TTC9: variants seen among roughly 807,000 people sequenced by gnomAD.
TTC9 encodes tetratricopeptide repeat domain 9.
Under a neutral mutation model 22.9 loss-of-function variants are expected in TTC9, and 13 were observed. That is an observed-to-expected ratio of 0.57 (90% CI 0.37 to 0.90). The LOEUF is 0.90. TTC9 is among the 40% of genes least tolerant of loss of function. The pLI is 0.01. For synonymous variants in TTC9, 148 were observed against 133.2 expected (o/e 1.11, Z -0.77); for missense variants, 280 against 291.8 (o/e 0.96, Z 0.29).
intron 1 of TTC9, among the ~76,000 whole-genome samples, chr14:70,649,467 T>C (rs185656729): frequency 6.6e-6 from 1 of 152,250 alleles, no homozygotes; most frequent in Non-Finnish European, 1.5e-5. Flanking sequence ...ATTTGATCTG[T>C]ACAACTCTGT....
intron 2 of TTC9, 102 bp downstream of exon 2, chr14:70,667,848 C>A (rs1886236173): frequency 7.8e-6 from 9 of 1,153,054 alleles, no homozygotes; most frequent in Non-Finnish European, 9.9e-6. Flanking sequence ...CAGGCAGGGA[C>A]AGAGATGGCA....
chr14:70,642,053 T>C lies in TTC9; in HGVS notation c.-77T>C. On this transcript the variant is annotated 5_prime_UTR_variant, in exon 1 of 3. The change abolishes the stop of an existing upstream ORF in the 5' untranslated region. Coordinates refer to ENST00000256367, the MANE Select transcript of TTC9 (RefSeq NM_015351.2). ...GCGCGGGGCCGGCGCCCGCGGCTTT[T>C]AAACCCGGGAAGGCGCGGCGGCGGC... 1 of 981,012 alleles carries C rather than the reference T, an allele frequency of 1.0e-6. No homozygotes were observed. The highest frequency in any genetic ancestry group is 1.2e-6 in the Non-Finnish European group (1 of 821,734). The allele number at this position is 981,012 out of a possible 1,614,324, so 60.8% of individuals were successfully genotyped here.
rs532792573 is a variant in TTC9, at chr14:70,657,323, G to A, written c.407-10241G>A. On this transcript the variant is annotated intron_variant, in intron 1 of 2. Coordinates refer to ENST00000256367, the MANE Select transcript of TTC9 (RefSeq NM_015351.2). The stretch of plus-strand genomic sequence containing the variant: ...ACCCGAAATTGTGTAGTGATGATGC[G>A]TGGGAAGCAGCAGCTCTGGTAGTGA... 3.3e-5 allele frequency among the ~76,000 whole-genome samples: 5 copies of A among 152,348 alleles called. No homozygotes were observed. The South Asian group carries it at 8.3e-4, about 25-fold the overall frequency.
At chr14:70,668,051 T>C (rs1886239044) in intron 2 of TTC9, among the ~76,000 whole-genome samples, 2 of 152,202 alleles carry the variant, frequency 1.3e-5, no homozygotes, top group South Asian at 2.1e-4. Flanking sequence ...ATTCATACTA[T>C]GTGCCAAGAT....
At chr14:70,647,273 A>G (rs74823433) in intron 1 of TTC9, among the ~76,000 whole-genome samples, 1,595 of 152,310 alleles carry the variant, frequency 0.01, 29 homozygotes, top group African/African-American at 0.036. Flanking sequence ...CAAATAAACT[A>G]AACTATTTTT....
At chr14:70,661,543 T>C (rs1327909827) in intron 1 of TTC9, among the ~76,000 whole-genome samples, 3 of 152,254 alleles carry the variant, frequency 2.0e-5, no homozygotes, top group African/African-American at 7.2e-5. Flanking sequence ...AACCAGTGAT[T>C]GCATGAACTT....
chr14:70,662,494 G>A (rs577747682), intron 1 of TTC9, among the ~76,000 whole-genome samples: 1 of 151,576 alleles, frequency 6.6e-6, no homozygotes, highest in South Asian at 2.1e-4. Flanking sequence ...TGCTTTACCA[G>A]TCTGATTGTC....
intron 1 of TTC9, among the ~76,000 whole-genome samples, chr14:70,662,644 G>T (rs559308005): frequency 6.6e-6 from 1 of 152,366 alleles, no homozygotes; most frequent in African/African-American, 2.4e-5. Context: ...AAGGACGGTA[G>T]AGATCATTTA....
intron 1 of TTC9, among the ~76,000 whole-genome samples, chr14:70,666,711 G>A (rs1318514823): frequency 6.6e-6 from 1 of 151,980 alleles, no homozygotes. Context: ...CAGCTCTCTG[G>A]GCCTCAGCTT....
chr14:70,642,617 T>A, intron 1 of TTC9, 82 bp downstream of exon 1: 2 of 1,323,604 alleles, frequency 1.5e-6, no homozygotes, highest in Non-Finnish European at 2.0e-6. Flanking sequence ...GCTCCCGCGG[T>A]GCAGATTCTC....
chr14:70,649,528 C>T (rs951193521), intron 1 of TTC9, among the ~76,000 whole-genome samples: 1 of 152,234 alleles, frequency 6.6e-6, no homozygotes, highest in Non-Finnish European at 1.5e-5. Flanking sequence ...CCCATGGTCA[C>T]ATAGTGGTAT....
intron 1 of TTC9, 107 bp downstream of exon 1, chr14:70,642,642 T>A: frequency 8.7e-7 from 1 of 1,143,626 alleles, no homozygotes. Flanking sequence ...TGTGACTGTG[T>A]TGCTCTGGGG....
At chr14:70,660,376 T>C (rs949173853) in intron 1 of TTC9, among the ~76,000 whole-genome samples, 1 of 152,250 alleles carries the variant, frequency 6.6e-6, no homozygotes. Context: ...TGTAGCTTTG[T>C]TTATGTACCA....
intron 1 of TTC9, among the ~76,000 whole-genome samples, chr14:70,645,719 C>T (rs545794133): frequency 2.6e-5 from 4 of 152,180 alleles, no homozygotes; most frequent in South Asian, 4.1e-4. Context: ...ACTGACCCTT[C>T]GACCAGGTCT....
chr14:70,647,706 T>C (rs1885923888), intron 1 of TTC9, among the ~76,000 whole-genome samples: 1 of 152,222 alleles, frequency 6.6e-6, no homozygotes, highest in African/African-American at 2.4e-5. Flanking sequence ...TGTGCCCATC[T>C]CCTCTGTCCC....
In TTC9 at chr14:70,642,222, C is replaced by G. The variant is rs1885823772; in HGVS notation, c.93C>G (p.Val31=). The change falls in exon 1 of 3, where the codon GTC becomes GTG. Residue 31 remains valine (V), a synonymous_variant. Coordinates refer to ENST00000256367, the MANE Select transcript of TTC9 (RefSeq NM_015351.2). ...AGCGGCCACCGCCGCCGCTGTGCGTCCCGGGCGGCGGCGGAGGAGCCCCAG... is the reference window on the plus strand; with the variant it reads ...AGCGGCCACCGCCGCCGCTGTGCGTGCCGGGCGGCGGCGGAGGAGCCCCAG... The part of the protein sequence containing the change: ...EGQRPPPPLC[V]PGGGGGAPAR... 3 of 1,305,530 alleles carry G rather than the reference C, an allele frequency of 2.3e-6. No homozygotes were observed. The highest frequency in any genetic ancestry group is 1.6e-5 in the African/African-American group (1 of 64,034). 80.9% of individuals were successfully genotyped at this position (1,305,530 alleles called of 1,614,324 possible).
Position 70,642,540 on chromosome 14 carries a change from G to GCCGCGCCGCGCCCT in TTC9, c.406+18_406+19insTCCGCGCCGCGCCC, listed in dbSNP as rs1566693141. The GCCGCGCCGCGCCCT allele has an allele frequency of 6.6e-7, 1 of 1,512,086 alleles. No individual in the cohort carries two copies. Among genetic ancestry groups the GCCGCGCCGCGCCCT allele is most frequent in the Non-Finnish European group, 8.9e-7 (1 of 1,122,662 alleles). The allele number at this position is 1,512,086 out of a possible 1,614,324, so 93.7% of individuals were successfully genotyped here. A position where few individuals can be genotyped will look rare whatever the true frequency, so the allele number is the denominator to read the frequency against. On this transcript the variant is annotated splice_donor_region_variant and intron_variant, in intron 1 of 2. Coordinates refer to ENST00000256367, the MANE Select transcript of TTC9 (RefSeq NM_015351.2). The stretch of plus-strand genomic sequence containing the variant: ...ACTGTTACAACAGCCTGGCAGGTGA[G>GCCGCGCCGCGCCCT]CCGCGCCGCGCCCCCCGCGCCGCGG...
In TTC9 at chr14:70,642,170, C is replaced by G. The variant is rs1038141557; in HGVS notation, c.41C>G (p.Pro14Arg). 4 of 1,198,504 alleles carry G rather than the reference C, an allele frequency of 3.3e-6. No individual in the cohort carries two copies. Among genetic ancestry groups the G allele is most frequent in the African/African-American group, 1.6e-5 (1 of 61,804 alleles). The allele number at this position is 1,198,504 out of a possible 1,614,324, so 74.2% of individuals were successfully genotyped here. A position where few individuals can be genotyped will look rare whatever the true frequency, so the allele number is the denominator to read the frequency against. ...KGSAAGAKGN[P>R]SPPAAGEGQR... Reference sequence around the variant, plus strand: ...TCGGCGGCCGGGGCCAAGGGGAACCCGAGCCCGCCCGCGGCCGGAGAGGGG... The same window carrying G: ...TCGGCGGCCGGGGCCAAGGGGAACCGGAGCCCGCCCGCGGCCGGAGAGGGG... The change falls in exon 1 of 3, where the codon CCG becomes CGG. Residue 14 changes from proline (P) to arginine (R), a missense_variant. This residue lies in a region of TTC9 where 49 missense variants were observed against 39.8 expected (regional missense o/e 1.23). Transcript: ENST00000256367.
rs13738 is a variant in TTC9, at chr14:70,672,013, C to T, written c.*858C>T. ...TGGACTGATTCAGTGTAAATAAAAA[C>T]AAATTAACAGGTAGTAGTTCCTGTC... On this transcript the variant is annotated 3_prime_UTR_variant, in exon 3 of 3. Coordinates refer to ENST00000256367, the MANE Select transcript of TTC9 (RefSeq NM_015351.2). The T allele has an allele frequency of 0.43, 65,790 of 152,004 alleles. 15,239 individuals are homozygous for T. The highest frequency in any genetic ancestry group is 0.61 in the African/African-American group (25,356 of 41,436). The allele number at this position is 152,004 out of a possible 1,614,324, so 9.4% of individuals were successfully genotyped here.
Sources: gnomAD v4.1 joint callset for allele counts (sites outside exome capture counted in the v4.1 genomes callset) on GRCh38, gnomAD v4.1.1 for gene constraint, gnomAD v4.1.1 regional missense constraint, MANE v1.5 for transcripts, NCBI Gene and HGNC (gene_info 2026-07-23, HGNC 2026-07-21) for gene names.